The following ABCA8 variants were observed in gnomAD, a reference collection of about 807,000 sequenced individuals.
ABCA8 encodes ATP binding cassette subfamily A member 8.
ABCA8 carries 177 observed loss-of-function variants against 192.3 expected under a neutral mutation model. The ratio of observed to expected loss-of-function variants is 0.92; its 90% CI spans 0.81 to 1.04. The LOEUF (loss-of-function observed/expected upper bound fraction) is 1.04, where lower values mean the gene tolerates loss of function less well. ABCA8 is among the 50% of genes least tolerant of loss of function. The pLI, the probability that ABCA8 is intolerant of heterozygous loss-of-function variation, is 0.00. For synonymous variants in ABCA8, 642 were observed against 690.2 expected, an observed-to-expected ratio of 0.93 and a Z score of 1.09; for missense variants, 1,915 against 1,904.8, an observed-to-expected ratio of 1.01 and a Z score of -0.10.
intron 23 of ABCA8, among the ~76,000 whole-genome samples, chr17:68,893,600 A>ATTCG (rs1354062113): frequency 4.2e-5 from 6 of 141,254 alleles, no homozygotes; most frequent in Admixed American, 2.8e-4. Flanking sequence ...TCCTTCATTC[A>ATTCG]TTCGTTCATT....
At chr17:68,917,229 G>C (rs1301806237) in intron 17 of ABCA8, 132 bp downstream of exon 17, 4 of 553,188 alleles carry the variant, frequency 7.2e-6, no homozygotes, top group African/African-American at 1.9e-5. Context: ...CGAGATGATC[G>C]ATACTCCGTC....
intron 3 of ABCA8, among the ~76,000 whole-genome samples, chr17:68,941,309 T>C (rs935442449): frequency 2.0e-5 from 3 of 152,096 alleles, no homozygotes; most frequent in African/African-American, 7.2e-5. Context: ...CAATAAGAAA[T>C]CACTTTATTT....
At chr17:68,939,151 A>G (rs1053413661) in intron 4 of ABCA8, among the ~76,000 whole-genome samples, 1 of 152,012 alleles carries the variant, frequency 6.6e-6, no homozygotes, top group African/African-American at 2.4e-5. Flanking sequence ...TAAAACTTAT[A>G]CTCACTATAG....
At position 68,884,022 on chromosome 17, in the gene ABCA8, T is replaced by C. The variant is rs1005652453; in HGVS notation, c.3616-140A>G. ...AACTCCTAATAACCTATCCAGCAAA[T>C]TGTGAAACTATCAAGTTCATTTTCA... is the stretch of plus-strand genomic sequence containing the variant. On this transcript the variant is annotated intron_variant, in intron 28 of 39. Coordinates refer to ENST00000586539, the MANE Select transcript of ABCA8 (RefSeq NM_001288985.2). 2.4e-5 allele frequency: 15 copies of C among 636,610 alleles called. No homozygotes were observed. In the African/African-American group the frequency reaches 2.7e-4, roughly 11 times the overall value. 39.4% of individuals were successfully genotyped at this position (636,610 alleles called of 1,614,324 possible).
At position 68,940,752 on chromosome 17, in the gene ABCA8, A is replaced by C; in HGVS notation, c.301+6T>G. The stretch of plus-strand genomic sequence containing the variant: ...GACATTCTTCTTAAGTAACTAGAAA[A>C]CTTACCTGCCAGGAAGGGAGTAGAG... On this transcript the variant is annotated splice_donor_region_variant and intron_variant, in intron 4 of 39. Coordinates refer to ENST00000586539, the MANE Select transcript of ABCA8 (RefSeq NM_001288985.2). 6.2e-7 allele frequency: 1 copy of C among 1,610,038 alleles called. No homozygotes were observed. The highest frequency in any genetic ancestry group is 8.5e-7 in the Non-Finnish European group (1 of 1,176,624).
rs1351257051 is a variant in ABCA8 at position 68,911,232 on chromosome 17, C to T, written c.2139-3353G>A. Among the ~76,000 whole-genome samples the T allele has an allele frequency of 6.6e-6, 1 of 152,120 alleles. No individual in the cohort carries two copies. The highest frequency in any genetic ancestry group is 1.5e-5 in the Non-Finnish European group (1 of 68,026). On this transcript the variant is annotated intron_variant, in intron 17 of 39. Transcript: ENST00000586539. This position sits in a 1 kb window ranked among gnomAD's most constrained non-coding sequence, Gnocchi z 5.7. ...GCCCTGAAGGGAGCTGCTACCCAGG[C>T]CTGGCAGCATGTACTACAAGCTGCC...
intron 30 of ABCA8, 130 bp downstream of exon 30, chr17:68,882,469 T>G: frequency 2.7e-6 from 2 of 744,740 alleles, no homozygotes; most frequent in East Asian, 5.4e-5. Flanking sequence ...TAGTCGCTCA[T>G]TTAATCGTAA....
intron 31 of ABCA8, among the ~76,000 whole-genome samples, chr17:68,881,450 C>T (rs1181463601): frequency 6.6e-6 from 1 of 152,162 alleles, no homozygotes; most frequent in Non-Finnish European, 1.5e-5. Context: ...TCTTGGAAGC[C>T]AAGTGTTTCA....
chr17:68,918,150 A>T lies in ABCA8; in HGVS notation c.1944T>A (p.Asp648Glu). The stretch of plus-strand genomic sequence containing the variant: ...TCCATACTTGGTGTCTTGAAAAGGG[A>T]TCCAATCCAGCAGTTGGTTCATCCA... ...FLLDEPTAGL[D>E]PFSRHQVWNL... The change falls in exon 16 of 40, where the codon GAT becomes GAA. Residue 648 changes from aspartate to glutamate, a missense_variant. Physicochemically the swap from Asp to Glu is conservative, Grantham distance 45. Coordinates refer to ENST00000586539, the MANE Select transcript of ABCA8 (RefSeq NM_001288985.2). The T allele has an allele frequency of 6.2e-7, 1 of 1,614,104 alleles. No individual in the cohort carries two copies. The highest frequency in any genetic ancestry group is 8.5e-7 in the Non-Finnish European group (1 of 1,179,994).
intron 10 of ABCA8, 48 bp from the exon 11 acceptor site, chr17:68,924,917 GGAGA>G (rs776537300): frequency 2.5e-6 from 4 of 1,582,046 alleles, no homozygotes; most frequent in Middle Eastern, 1.7e-4. Context: ...ACCACGTTAG[GGAGA>G]GAGAGTCACA....
intron 13 of ABCA8, 147 bp from the exon 14 acceptor site, chr17:68,919,623 C>A: frequency 3.0e-6 from 2 of 670,190 alleles, no homozygotes; most frequent in Non-Finnish European, 2.4e-6. Flanking sequence ...ATAGTATATT[C>A]AAAATATGTT....
At chr17:68,945,718 A>G (rs2068380088) in intron 2 of ABCA8, among the ~76,000 whole-genome samples, 1 of 152,098 alleles carries the variant, frequency 6.6e-6, no homozygotes, top group African/African-American at 2.4e-5. Context: ...AACATGAACT[A>G]CTTTCTGGTT....
At chr17:68,885,394 A>C in intron 26 of ABCA8, 79 bp from the exon 27 acceptor site, 1 of 1,394,806 alleles carries the variant, frequency 7.2e-7, no homozygotes, top group Non-Finnish European at 9.7e-7. Flanking sequence ...TCTTGAAGAT[A>C]TTACTAATTT....
intron 39 of ABCA8, 29 bp from the exon 40 acceptor site, chr17:68,868,212 G>A: frequency 1.2e-6 from 2 of 1,609,812 alleles, no homozygotes; most frequent in Non-Finnish European, 1.7e-6. Context: ...ATAAAGAGAG[G>A]AGAACAATGC....
At chr17:68,950,203 A>T (rs1302086470) in intron 1 of ABCA8, among the ~76,000 whole-genome samples, 1 of 152,154 alleles carries the variant, frequency 6.6e-6, no homozygotes, top group Non-Finnish European at 1.5e-5. Flanking sequence ...GACACAAACA[A>T]ATGGAAAAAC....
chr17:68,876,765 C>T (rs2066218761), intron 33 of ABCA8, 62 bp from the exon 34 acceptor site: 2 of 1,602,832 alleles, frequency 1.2e-6, no homozygotes, highest in African/African-American at 2.7e-5. Context: ...AGAGGATAAC[C>T]CAAGCAAGGG....
chr17:68,899,652 A>G (rs551306444), intron 21 of ABCA8, among the ~76,000 whole-genome samples: 2 of 152,256 alleles, frequency 1.3e-5, no homozygotes, highest in East Asian at 3.9e-4. Flanking sequence ...AGCAGAATGC[A>G]CATTCTTCTC....
intron 17 of ABCA8, among the ~76,000 whole-genome samples, chr17:68,910,326 G>C (rs1439948968): frequency 6.6e-6 from 1 of 152,210 alleles, no homozygotes; most frequent in Non-Finnish European, 1.5e-5. Context: ...GGGGGAGGGA[G>C]AGGACAGTCA....
chr17:68,887,925 T>TATATGGATA, intron 24 of ABCA8, among the ~76,000 whole-genome samples: 59,830 of 100,144 alleles, frequency 0.6, 19,042 homozygotes, highest in African/African-American at 0.73. Context: ...TATATATATA[T>TATATGGATA]TATATATGGA....
Sources: gnomAD v4.1 joint callset for allele counts (sites outside exome capture counted in the v4.1 genomes callset) on GRCh38, gnomAD v4.1.1 for gene constraint, Gnocchi (gnomAD v3.1) non-coding constraint, MANE v1.5 for transcripts, NCBI Gene and HGNC (gene_info 2026-07-23, HGNC 2026-07-21) for gene names.